Variants in ARHGAP39 observed in about 807,000 individuals in gnomAD.
ARHGAP39 encodes rho GTPase-activating protein 39.
ARHGAP39 carries 44 observed loss-of-function variants against 106.9 expected under a neutral mutation model. That is an observed-to-expected ratio of 0.41 (90% CI 0.32 to 0.53). The LOEUF is 0.53. ARHGAP39 is among the 20% of genes least tolerant of loss of function. The pLI is 0.21. For missense variants in ARHGAP39, 1,496 were observed against 1,577.3 expected (o/e 0.95, Z 0.87); for synonymous variants, 768 against 693.2 (o/e 1.11, Z -1.69).
At chr8:144,624,433 C>T (rs1563714151) in intron 1 of ARHGAP39, among the ~76,000 whole-genome samples, 2 of 152,270 alleles carry the variant, frequency 1.3e-5, no homozygotes, top group Non-Finnish European at 2.9e-5. Context: ...TCTCTCTGAT[C>T]AATCACACCC....
intron 1 of ARHGAP39, among the ~76,000 whole-genome samples, chr8:144,665,471 A>C (rs918572322): frequency 1.3e-5 from 2 of 152,250 alleles, no homozygotes; most frequent in Admixed American, 1.3e-4. Flanking sequence ...AGAGACCTTC[A>C]TGGCAGCCCC....
At chr8:144,545,938 CTGCTCACCACAAAG>C in intron 5 of ARHGAP39, 128 bp from the exon 6 acceptor site, 1 of 758,694 alleles carries the variant, frequency 1.3e-6, no homozygotes, top group Non-Finnish European at 2.1e-6. Flanking sequence ...GAGCCCTGCC[CTGCTCACCACAAAG>C]CTGTCTGAGG....
At chr8:144,566,798 T>C (rs1018751898) in intron 3 of ARHGAP39, among the ~76,000 whole-genome samples, 1 of 150,028 alleles carries the variant, frequency 6.7e-6, no homozygotes, top group South Asian at 2.1e-4. Context: ...GAGGTTGCAG[T>C]GAGCCGAGAT....
chr8:144,533,401 C>A, intron 8 of ARHGAP39, 76 bp from the exon 9 acceptor site: 1 of 1,451,828 alleles, frequency 6.9e-7, no homozygotes, highest in South Asian at 1.2e-5. Context: ...TGTCTTCTTT[C>A]CCCGAACATA....
intron 1 of ARHGAP39, among the ~76,000 whole-genome samples, chr8:144,676,328 A>G (rs1822237480): frequency 6.6e-6 from 1 of 152,208 alleles, no homozygotes; most frequent in Non-Finnish European, 1.5e-5. Context: ...ACAATACTTT[A>G]GCTAGACACA....
At chr8:144,563,335 G>C (rs140975411) in intron 3 of ARHGAP39, among the ~76,000 whole-genome samples, 8 of 152,262 alleles carry the variant, frequency 5.3e-5, no homozygotes, top group African/African-American at 7.2e-5. Flanking sequence ...ATGAATTTTT[G>C]TCAGAAATCA....
chr8:144,595,548 T>C (rs760877392), intron 2 of ARHGAP39, among the ~76,000 whole-genome samples: 2 of 152,176 alleles, frequency 1.3e-5, no homozygotes, highest in Non-Finnish European at 2.9e-5. Flanking sequence ...ATGTGAATTA[T>C]ATAAAAAAAA....
intron 1 of ARHGAP39, among the ~76,000 whole-genome samples, chr8:144,609,556 T>C (rs11990069): frequency 0.12 from 17,596 of 151,874 alleles, 2,288 homozygotes; most frequent in African/African-American, 0.32. Context: ...CACCCACCAC[T>C]ATGCCCAGCT....
At chr8:144,601,487 C>G (rs1314394319) in intron 2 of ARHGAP39, among the ~76,000 whole-genome samples, 1 of 104,610 alleles carries the variant, frequency 9.6e-6, no homozygotes, top group African/African-American at 4.2e-5. Flanking sequence ...AGCTCATGTA[C>G]CTGTGTGTGT....
At chr8:144,560,342 G>T (rs1818095836) in intron 3 of ARHGAP39, among the ~76,000 whole-genome samples, 1 of 152,182 alleles carries the variant, frequency 6.6e-6, no homozygotes, top group Admixed American at 6.5e-5. Flanking sequence ...GGCTGAGGCA[G>T]GAGAATCGCT....
At chr8:144,582,211 C>A (rs1176072357) in intron 2 of ARHGAP39, among the ~76,000 whole-genome samples, 1 of 152,162 alleles carries the variant, frequency 6.6e-6, no homozygotes. Flanking sequence ...GGGCTGCCTG[C>A]GGCTCCCCCA....
chr8:144,559,610 A>G (rs1818071494), intron 3 of ARHGAP39, among the ~76,000 whole-genome samples: 1 of 152,190 alleles, frequency 6.6e-6, no homozygotes, highest in Admixed American at 6.5e-5. Context: ...GGTTGTGGTA[A>G]AATATTTTAA....
In ARHGAP39 at chr8:144,547,988, C is replaced by T. The variant is rs539352496; in HGVS notation, c.1098G>A (p.Ser366=). Residue 366 remains serine, a synonymous_variant, in exon 5 of 12, where the codon TCG becomes TCA. Transcript: ENST00000377307. The surrounding 1 kb of genome is among the most constrained non-coding windows in gnomAD (Gnocchi z 5.2). Reference sequence around the variant, plus strand: ...TGGTGAGCACCAGCTGCTGGCAGGGCGAGGGGGGGCCCTGCTTGTTGGGCT... The same window carrying T: ...TGGTGAGCACCAGCTGCTGGCAGGGTGAGGGGGGGCCCTGCTTGTTGGGCT... ...FLQPNKQGPP[S]PCQQLVLTKQ... 37 of 1,609,456 alleles carry T rather than the reference C, an allele frequency of 2.3e-5. No individual in the cohort carries two copies. The South Asian group carries it at 3.3e-4, about 14-fold the overall frequency.
At chr8:144,597,325 T>C (rs1205853300) in intron 2 of ARHGAP39, among the ~76,000 whole-genome samples, 6 of 152,056 alleles carry the variant, frequency 3.9e-5, no homozygotes, top group African/African-American at 1.4e-4. Flanking sequence ...ACGCCTCCAG[T>C]CCAAAGCCCA....
At chr8:144,579,097 G>T (rs1187787679) in intron 3 of ARHGAP39, among the ~76,000 whole-genome samples, 1 of 150,914 alleles carries the variant, frequency 6.6e-6, no homozygotes, top group African/African-American at 2.4e-5. Context: ...AGCTACTCGG[G>T]AGGCTGAGGC....
At position 144,647,398 on chromosome 8, in the gene ARHGAP39, A is replaced by C. The variant is rs1446232759; in HGVS notation, c.-82+38288T>G. 6.6e-6 allele frequency among the ~76,000 whole-genome samples: 1 copy of C among 152,178 alleles called. No homozygotes were observed. The highest frequency in any genetic ancestry group is 1.5e-5 in the Non-Finnish European group (1 of 68,008). On this transcript the variant is annotated intron_variant, in intron 1 of 11. Coordinates refer to ENST00000377307, the MANE Select transcript of ARHGAP39 (RefSeq NM_025251.3). The surrounding 1 kb of genome is among the most constrained non-coding windows in gnomAD (Gnocchi z 4.8). ...ATCCCTGTTCTCACCCTCACTGTGC[A>C]GAGTCCCTGAGACTTCCCCACAGGC...
At chr8:144,696,653 TGTG>T in the ARHGAP39 span, among the ~76,000 whole-genome samples, 2 of 152,240 alleles carry the variant, frequency 1.3e-5, no homozygotes, top group Non-Finnish European at 2.9e-5. Context: ...AAAATTTTAT[TGTG>T]GTAAAATTCA....
chr8:144,595,738 C>G (rs1268658941), intron 2 of ARHGAP39, among the ~76,000 whole-genome samples: 1 of 152,090 alleles, frequency 6.6e-6, no homozygotes, highest in East Asian at 1.9e-4. Context: ...CTCCAGCCGC[C>G]ACAGCTGGCC....
upstream of ARHGAP39, among the ~76,000 whole-genome samples, chr8:144,687,479 CT>C (rs67439347): frequency 1.0e-4 from 2 of 19,948 alleles, no homozygotes; most frequent in South Asian, 2.3e-3. Context: ...CTTCCCACCC[CT>C]GTGACCACAC....
Sources: allele counts gnomAD v4.1 joint callset (sites outside exome capture counted in the v4.1 genomes callset), GRCh38; gene constraint gnomAD v4.1.1; non-coding constraint Gnocchi (gnomAD v3.1); transcripts MANE v1.5; gene names NCBI Gene and HGNC (gene_info 2026-07-23, HGNC 2026-07-21).